Variants in SUSD5 observed in about 807,000 individuals in gnomAD.
SUSD5 encodes sushi domain containing 5.
A neutral mutation model predicts 29.5 loss-of-function variants in SUSD5; 33 were observed. The observed-to-expected ratio is 1.12, with a 90% confidence interval of 0.85 to 1.49. The LOEUF is 1.49. SUSD5 is among the 40% of genes most tolerant of loss of function. The probability of loss-of-function intolerance (pLI) is 0.00; values close to 1 mark genes in which losing one functional copy is unlikely to be tolerated. For missense variants in SUSD5, 776 were observed against 800.6 expected, an observed-to-expected ratio of 0.97 and a Z score of 0.37; for synonymous variants, 308 against 325.3, an observed-to-expected ratio of 0.95 and a Z score of 0.57.
In SUSD5 at chr3:33,204,960, C is replaced by T. The variant is rs190733473; in HGVS notation, c.409+2848G>A. On this transcript the variant is annotated intron_variant, in intron 3 of 4. Transcript: ENST00000309558. The surrounding 1 kb of genome is among the most constrained non-coding windows in gnomAD (Gnocchi z 4.5). ...CTTTATCATTCTCTTCTCTCTCTTC[C>T]TCTCTCCACACCTCTTCCTCTCTCC... 3.4e-4 allele frequency among the ~76,000 whole-genome samples: 52 copies of T among 151,972 alleles called. No individual in the cohort carries two copies. The highest frequency in any genetic ancestry group is 1.2e-3 in the African/African-American group (51 of 41,408).
chr3:33,165,164 A>G (rs1244141593), intron 4 of SUSD5, among the ~76,000 whole-genome samples: 1 of 152,258 alleles, frequency 6.6e-6, no homozygotes, highest in African/African-American at 2.4e-5. Flanking sequence ...TCCTAACAGT[A>G]GAATGGAATA....
chr3:33,199,153 C>T (rs1045365007), intron 3 of SUSD5, among the ~76,000 whole-genome samples: 6 of 152,260 alleles, frequency 3.9e-5, no homozygotes, highest in African/African-American at 1.2e-4. Flanking sequence ...CCTTCAGTCT[C>T]ACTGCTACTC....
chr3:33,200,952 G>T (rs1205521762), intron 3 of SUSD5, among the ~76,000 whole-genome samples: 1 of 152,138 alleles, frequency 6.6e-6, no homozygotes, highest in Non-Finnish European at 1.5e-5. Flanking sequence ...AGTAAAATTT[G>T]AGAAGAAATA....
At position 33,153,093 on chromosome 3, in the gene SUSD5, C is replaced by T. The variant is rs369186132; in HGVS notation, c.1539G>A (p.Thr513=). The T allele has an allele frequency of 7.3e-5, 117 of 1,613,680 alleles. No homozygotes were observed. Among genetic ancestry groups the T allele is most frequent in the Non-Finnish European group, 9.3e-5 (110 of 1,179,832 alleles). The change falls in exon 5 of 5, where the codon ACG becomes ACA. Residue 513 remains threonine (T), a synonymous_variant. Coordinates refer to ENST00000309558, the MANE Select transcript of SUSD5 (RefSeq NM_015551.2). ...VKQTPNHIPS[T]IMATTQPPVE... is the part of the protein sequence containing the mutation. ...CTGGAGGCTGGGTGGTTGCCATGAT[C>T]GTTGAGGGGATGTGGTTAGGTGTCT...
At chr3:33,187,288 ATCT>A (rs1219760751) in intron 3 of SUSD5, among the ~76,000 whole-genome samples, 3 of 152,238 alleles carry the variant, frequency 2.0e-5, no homozygotes, top group Non-Finnish European at 4.4e-5. Flanking sequence ...GACTCATAAG[ATCT>A]TCTTCAGAAT....
At chr3:33,208,026 TTC>T in intron 2 of SUSD5, 100 bp from the exon 3 acceptor site, 4 of 838,914 alleles carry the variant, frequency 4.8e-6, no homozygotes. Context: ...GCAGAGATTT[TTC>T]TGATTCATGA....
At chr3:33,201,170 T>G (rs1004953545) in intron 3 of SUSD5, among the ~76,000 whole-genome samples, 1 of 152,188 alleles carries the variant, frequency 6.6e-6, no homozygotes, top group Non-Finnish European at 1.5e-5. Flanking sequence ...TAGGCAGATA[T>G]CTCCAAGTCC....
intron 2 of SUSD5, among the ~76,000 whole-genome samples, chr3:33,212,260 G>A (rs1231024436): frequency 6.6e-6 from 1 of 152,142 alleles, no homozygotes; most frequent in Admixed American, 6.5e-5. Context: ...GCCAGGCATG[G>A]TGGCTCACAC....
At chr3:33,161,159 A>G (rs541875550) in intron 4 of SUSD5, among the ~76,000 whole-genome samples, 3 of 152,346 alleles carry the variant, frequency 2.0e-5, no homozygotes, top group South Asian at 2.1e-4. Flanking sequence ...AGCTAAGTGA[A>G]TGTTGACTGC....
chr3:33,199,268 A>G (rs1343979652), intron 3 of SUSD5, among the ~76,000 whole-genome samples: 1 of 151,942 alleles, frequency 6.6e-6, no homozygotes, highest in Non-Finnish European at 1.5e-5. Flanking sequence ...ATACACAAAA[A>G]TAAGTTGTTT....
chr3:33,206,900 T>C (rs1442473830), intron 3 of SUSD5, among the ~76,000 whole-genome samples: 4 of 152,162 alleles, frequency 2.6e-5, no homozygotes, highest in Non-Finnish European at 5.9e-5. Context: ...ATCAGTATTT[T>C]TTAATTACTC....
chr3:33,180,925 C>T (rs1395137904), intron 3 of SUSD5, among the ~76,000 whole-genome samples: 2 of 150,018 alleles, frequency 1.3e-5, no homozygotes, highest in East Asian at 2.0e-4. Context: ...CTCAAGAGAT[C>T]CTCCTGCCTC....
At position 33,204,903 on chromosome 3, in the gene SUSD5, T is replaced by C. The variant is rs1378595363; in HGVS notation, c.409+2905A>G. 6.6e-6 allele frequency among the ~76,000 whole-genome samples: 1 copy of C among 152,148 alleles called. No individual in the cohort carries two copies. The highest frequency in any genetic ancestry group is 1.5e-5 in the Non-Finnish European group (1 of 68,032). The stretch of plus-strand genomic sequence containing the variant: ...GCAAGGAACCCACCTTTTATGCAGG[T>C]TCACCAATGTGTTTTCATTTTCCCC... On this transcript the variant is annotated intron_variant, in intron 3 of 4. Coordinates refer to ENST00000309558, the MANE Select transcript of SUSD5 (RefSeq NM_015551.2). The surrounding 1 kb of genome is among the most constrained non-coding windows in gnomAD (Gnocchi z 4.5).
rs1274061219 is a variant in SUSD5, at chr3:33,178,457, G to GT, written c.410-3384dup. On this transcript the variant is annotated intron_variant, in intron 3 of 4. Transcript: ENST00000309558. ...GTAGTTTTTTTTTTGTTGTTGTTTT[G>GT]TTTTTTTTTGAGACGGAGTCTTGCT... Among the ~76,000 whole-genome samples, 799 of 109,016 alleles carry GT rather than the reference G, an allele frequency of 7.3e-3. 3 individuals carry two copies. Among genetic ancestry groups the GT allele is most frequent in the Non-Finnish European group, 0.011 (497 of 46,386 alleles). The allele number at this position is 109,016 out of a possible 152,430, so 71.5% of individuals were successfully genotyped here. A position where few individuals can be genotyped will look rare whatever the true frequency, so the allele number is the denominator to read the frequency against.
At chr3:33,175,324 TGCCAA>T (rs1326876619) in intron 3 of SUSD5, among the ~76,000 whole-genome samples, 3 of 152,186 alleles carry the variant, frequency 2.0e-5, no homozygotes, top group African/African-American at 7.2e-5. Flanking sequence ...ATTTTAAAGT[TGCCAA>T]ACAATGTTAC....
intron 3 of SUSD5, among the ~76,000 whole-genome samples, chr3:33,191,424 C>A (rs1354353939): frequency 6.6e-6 from 1 of 152,044 alleles, no homozygotes; most frequent in Non-Finnish European, 1.5e-5. Context: ...GCCACTGCAC[C>A]CGGCCTAGTA....
At chr3:33,160,167 G>A (rs1023590522) in intron 4 of SUSD5, among the ~76,000 whole-genome samples, 13 of 152,244 alleles carry the variant, frequency 8.5e-5, no homozygotes, top group South Asian at 8.3e-4. Context: ...CAGAGACAGC[G>A]TCTCACTATG....
chr3:33,211,729 T>C (rs907903207), intron 2 of SUSD5, among the ~76,000 whole-genome samples: 6 of 152,268 alleles, frequency 3.9e-5, no homozygotes, highest in Admixed American at 2.6e-4. Flanking sequence ...AAGTGGCTCC[T>C]GCCTTCTCTG....
intron 3 of SUSD5, among the ~76,000 whole-genome samples, chr3:33,187,087 T>C (rs1414441072): frequency 1.3e-5 from 2 of 152,276 alleles, no homozygotes; most frequent in East Asian, 3.9e-4. Context: ...TCCACCTTTC[T>C]CAGCTGCCCA....
Sources: allele counts gnomAD v4.1 joint callset (sites outside exome capture counted in the v4.1 genomes callset), GRCh38; gene constraint gnomAD v4.1.1; non-coding constraint Gnocchi (gnomAD v3.1); transcripts MANE v1.5; gene names NCBI Gene and HGNC (gene_info 2026-07-23, HGNC 2026-07-21).